ANTXR2: variants seen among roughly 807,000 people sequenced by gnomAD.
The protein encoded by ANTXR2 is anthrax toxin receptor 2.
ANTXR2 carries 44 observed loss-of-function variants against 73.7 expected under a neutral mutation model. The ratio of observed to expected loss-of-function variants is 0.60; its 90% CI spans 0.47 to 0.77. The LOEUF (loss-of-function observed/expected upper bound fraction) is 0.77. ANTXR2 is among the 30% of genes least tolerant of loss of function. ANTXR2 has a pLI of 0.00. For missense variants in ANTXR2, 604 were observed against 592.5 expected (o/e 1.02, Z -0.20); for synonymous variants, 217 against 205.9 (o/e 1.05, Z -0.46).
chr4:79,915,854 C>CTATATATATATA (rs1384449714), intron 16 of ANTXR2, among the ~76,000 whole-genome samples: 10 of 111,252 alleles, frequency 9.0e-5, no homozygotes, highest in African/African-American at 2.4e-4. Flanking sequence ...CTCTCTCTCT[C>CTATATATATATA]TCTCTCTCTA....
intron 16 of ANTXR2, among the ~76,000 whole-genome samples, chr4:79,973,111 A>C (rs1240524053): frequency 6.7e-6 from 1 of 150,242 alleles, no homozygotes; most frequent in African/African-American, 2.4e-5. Context: ...GAAAAGAGGG[A>C]GGGAAAGAGG....
At chr4:79,937,780 G>A (rs1728334936) in intron 16 of ANTXR2, among the ~76,000 whole-genome samples, 1 of 151,604 alleles carries the variant, frequency 6.6e-6, no homozygotes, top group South Asian at 2.1e-4. Context: ...GAGCGACGCA[G>A]AAGACGGTGA....
intron 12 of ANTXR2, among the ~76,000 whole-genome samples, chr4:79,985,339 G>C (rs1730092966): frequency 1.3e-5 from 2 of 148,860 alleles, no homozygotes; most frequent in African/African-American, 5.0e-5. Context: ...GACAGAGAGA[G>C]ACTCTGTCTC....
intron 3 of ANTXR2, among the ~76,000 whole-genome samples, chr4:80,058,743 G>A (rs1327633228): frequency 2.0e-5 from 3 of 151,298 alleles, no homozygotes; most frequent in African/African-American, 4.9e-5. Context: ...AAGAAAGAAA[G>A]GTTATGTTAT....
At chr4:80,041,158 A>AT (rs1264539959) in intron 7 of ANTXR2, among the ~76,000 whole-genome samples, 4 of 152,034 alleles carry the variant, frequency 2.6e-5, no homozygotes, top group Non-Finnish European at 4.4e-5. Context: ...GCTTAGAAAG[A>AT]TTTTTTTAAC....
intron 11 of ANTXR2, among the ~76,000 whole-genome samples, chr4:80,015,660 C>G (rs2110064903): frequency 6.6e-6 from 1 of 151,724 alleles, no homozygotes; most frequent in African/African-American, 2.4e-5. Context: ...CTCACATAAA[C>G]TTGCCAGCTA....
At chr4:79,911,100 G>A (rs1727114431) in intron 16 of ANTXR2, among the ~76,000 whole-genome samples, 1 of 152,152 alleles carries the variant, frequency 6.6e-6, no homozygotes, top group South Asian at 2.1e-4. Flanking sequence ...TTATGTTTAA[G>A]GTCATGGATG....
intron 16 of ANTXR2, among the ~76,000 whole-genome samples, chr4:79,934,224 T>C (rs1171088205): frequency 1.3e-5 from 2 of 152,080 alleles, no homozygotes; most frequent in Non-Finnish European, 2.9e-5. Context: ...AGAATGTAGG[T>C]TGTCTTTTAA....
chr4:79,997,160 A>C (rs1730768406), intron 12 of ANTXR2, among the ~76,000 whole-genome samples: 1 of 152,072 alleles, frequency 6.6e-6, no homozygotes, highest in East Asian at 1.9e-4. Context: ...TCTTTGCGCT[A>C]AAAAATGTCA....
chr4:79,980,591 A>AG (rs1400096858), intron 14 of ANTXR2, among the ~76,000 whole-genome samples: 2 of 152,166 alleles, frequency 1.3e-5, no homozygotes, highest in Non-Finnish European at 2.9e-5. Flanking sequence ...GATGACTAGA[A>AG]GGTTATATCA....
intron 16 of ANTXR2, among the ~76,000 whole-genome samples, chr4:79,935,671 G>A (rs1010449561): frequency 4.6e-5 from 7 of 152,198 alleles, no homozygotes; most frequent in Non-Finnish European, 8.8e-5. Context: ...GTGGGATAGT[G>A]AGAAGAAAGT....
chr4:79,996,297 G>A (rs1290977074), intron 12 of ANTXR2, among the ~76,000 whole-genome samples: 1 of 150,488 alleles, frequency 6.6e-6, no homozygotes, highest in African/African-American at 2.4e-5. Flanking sequence ...ATGGATGGAT[G>A]GGTAGATGGA....
chr4:79,973,423 A>AT (rs11412371), intron 16 of ANTXR2, among the ~76,000 whole-genome samples: 56,735 of 147,162 alleles, frequency 0.39, 12,071 homozygotes, highest in Non-Finnish European at 0.47. Flanking sequence ...ATAAATTTGG[A>AT]TTTTTTTTTT....
At chr4:80,019,055 C>A (rs1416625606) in intron 10 of ANTXR2, 79 bp from the exon 11 acceptor site, 3 of 950,108 alleles carry the variant, frequency 3.2e-6, no homozygotes, top group Non-Finnish European at 4.5e-6. Context: ...TTATGTAATT[C>A]AAAACCAGCC....
At chr4:79,985,549 G>A (rs1472993017) in intron 12 of ANTXR2, among the ~76,000 whole-genome samples, 1 of 152,082 alleles carries the variant, frequency 6.6e-6, no homozygotes, top group African/African-American at 2.4e-5. Flanking sequence ...CCTAGGCTGG[G>A]TGGTGAGACA....
At chr4:80,057,340 C>T (rs1459305551) in intron 3 of ANTXR2, among the ~76,000 whole-genome samples, 1 of 151,876 alleles carries the variant, frequency 6.6e-6, no homozygotes, top group African/African-American at 2.4e-5. Context: ...AAAATAATTT[C>T]AAAACATTTT....
intron 14 of ANTXR2, among the ~76,000 whole-genome samples, chr4:79,979,130 T>C (rs1729773632): frequency 6.6e-6 from 1 of 152,176 alleles, no homozygotes; most frequent in Non-Finnish European, 1.5e-5. Context: ...CAAATGATTG[T>C]TTTATTTTTC....
intron 12 of ANTXR2, among the ~76,000 whole-genome samples, chr4:79,989,358 C>A (rs534739665): frequency 6.6e-6 from 1 of 152,026 alleles, no homozygotes; most frequent in Non-Finnish European, 1.5e-5. Flanking sequence ...ATTAGGAATA[C>A]CTTTATGCAT....
chr4:79,915,283 A>C (rs560396029), intron 16 of ANTXR2, among the ~76,000 whole-genome samples: 3 of 152,138 alleles, frequency 2.0e-5, no homozygotes, highest in Admixed American at 1.3e-4. Context: ...ACTCCACTGC[A>C]ATATTTAAAA....
Sources: gnomAD v4.1 joint callset for allele counts (sites outside exome capture counted in the v4.1 genomes callset) on GRCh38, gnomAD v4.1.1 for gene constraint, MANE v1.5 for transcripts, NCBI Gene and HGNC (gene_info 2026-07-23, HGNC 2026-07-21) for gene names.